Variants in TNIK observed in about 807,000 individuals in gnomAD.
TNIK encodes TRAF2 and NCK interacting kinase.
A neutral mutation model predicts 191.3 loss-of-function variants in TNIK; 49 were observed. The ratio of observed to expected loss-of-function variants is 0.26; its 90% CI spans 0.20 to 0.32. The LOEUF is 0.32. TNIK is among the 10% of genes least tolerant of loss of function. TNIK has a pLI of 1.00. For synonymous variants in TNIK, 594 were observed against 600.9 expected, an observed-to-expected ratio of 0.99 and a Z score of 0.17; for missense variants, 1,155 against 1,702.3, an observed-to-expected ratio of 0.68 and a Z score of 5.66.
At chr3:171,411,066 C>CTT (rs56324481) in intron 1 of TNIK, among the ~76,000 whole-genome samples, 3 of 141,828 alleles carry the variant, frequency 2.1e-5, no homozygotes, top group African/African-American at 5.2e-5. Flanking sequence ...CATCAATAAT[C>CTT]TTTTTTTTTT....
At chr3:171,209,993 G>T (rs1036176838) in intron 4 of TNIK, among the ~76,000 whole-genome samples, 1 of 152,164 alleles carries the variant, frequency 6.6e-6, no homozygotes, top group Non-Finnish European at 1.5e-5. Context: ...ACACAGCTCA[G>T]CACAGTATTT....
intron 2 of TNIK, among the ~76,000 whole-genome samples, chr3:171,350,272 G>A (rs1712924242): frequency 6.6e-6 from 1 of 152,050 alleles, no homozygotes; most frequent in South Asian, 2.1e-4. Context: ...ACAGTTCCTG[G>A]AACAAAGCTG....
At chr3:171,143,533 GAC>G (rs1342956072) in intron 12 of TNIK, among the ~76,000 whole-genome samples, 2 of 152,196 alleles carry the variant, frequency 1.3e-5, no homozygotes, top group Non-Finnish European at 2.9e-5. Context: ...TGAGGGAAAA[GAC>G]AACACAGTAT....
chr3:171,244,926 G>GA (rs534569616), intron 2 of TNIK, among the ~76,000 whole-genome samples: 62 of 151,986 alleles, frequency 4.1e-4, no homozygotes, highest in African/African-American at 1.4e-3. Flanking sequence ...ACAAGATTAT[G>GA]AAAAAGGAGC....
chr3:171,201,073 G>C (rs1739341828), intron 4 of TNIK, among the ~76,000 whole-genome samples: 1 of 152,244 alleles, frequency 6.6e-6, no homozygotes, highest in South Asian at 2.1e-4. Context: ...AAGTGAGAAG[G>C]GTTTGCACCA....
chr3:171,292,748 C>CCTGGGCAA (rs1751819194), intron 2 of TNIK, among the ~76,000 whole-genome samples: 2 of 133,894 alleles, frequency 1.5e-5, no homozygotes, highest in African/African-American at 5.8e-5. Context: ...TGCACTCCAG[C>CCTGGGCAA]CTGGGCAACA....
chr3:171,252,939 C>A (rs1332331552), intron 2 of TNIK, among the ~76,000 whole-genome samples: 1 of 151,906 alleles, frequency 6.6e-6, no homozygotes, highest in African/African-American at 2.4e-5. Context: ...TTTTAGAATG[C>A]ATAGTTTTTT....
At chr3:171,299,704 A>G (rs892489632) in intron 2 of TNIK, among the ~76,000 whole-genome samples, 2 of 152,202 alleles carry the variant, frequency 1.3e-5, no homozygotes, top group Non-Finnish European at 2.9e-5. Flanking sequence ...AGCTTCCTCC[A>G]TATTTTAATA....
chr3:171,265,303 T>C (rs1881962), intron 2 of TNIK, among the ~76,000 whole-genome samples: 20,602 of 152,172 alleles, frequency 0.14, 1,802 homozygotes, highest in Non-Finnish European at 0.18. Flanking sequence ...TCTAGAGGAA[T>C]TGTGACTTAG....
chr3:171,111,078 GA>G (rs1039647268), intron 18 of TNIK, among the ~76,000 whole-genome samples: 2 of 152,040 alleles, frequency 1.3e-5, no homozygotes, highest in African/African-American at 4.8e-5. Flanking sequence ...TAGCCAATAG[GA>G]ATATGAAAAA....
chr3:171,119,107 C>A (rs1727243343), intron 18 of TNIK, among the ~76,000 whole-genome samples: 1 of 152,134 alleles, frequency 6.6e-6, no homozygotes, highest in Non-Finnish European at 1.5e-5. Context: ...AAGAAAAAAA[C>A]AACCCCATCA....
At chr3:171,154,635 C>T (rs1732931661) in intron 12 of TNIK, among the ~76,000 whole-genome samples, 1 of 152,192 alleles carries the variant, frequency 6.6e-6, no homozygotes, top group Non-Finnish European at 1.5e-5. Context: ...TCCCATTATT[C>T]TTGGATCCTA....
At chr3:171,161,187 C>A in intron 11 of TNIK, 83 bp downstream of exon 11, 2 of 1,440,204 alleles carry the variant, frequency 1.4e-6, no homozygotes, top group Non-Finnish European at 1.9e-6. Context: ...TAAAAACGAA[C>A]CTATAAATCA....
At chr3:171,304,395 C>G (rs1216892582) in intron 2 of TNIK, among the ~76,000 whole-genome samples, 1 of 152,124 alleles carries the variant, frequency 6.6e-6, no homozygotes, top group East Asian at 1.9e-4. Context: ...AATAGGAACA[C>G]TTTTACACTG....
In TNIK at chr3:171,126,108, G is replaced by C; in HGVS notation, c.1817C>G (p.Thr606Ser). 6.4e-7 allele frequency: 1 copy of C among 1,571,828 alleles called. No individual in the cohort carries two copies. The highest frequency in any genetic ancestry group is 8.6e-7 in the Non-Finnish European group (1 of 1,160,826). Residue 606 changes from threonine (T) to serine (S), a missense_variant, in exon 17 of 33, where the codon ACC (threonine) becomes AGC (serine). Physicochemically the swap from Thr to Ser is moderately conservative, Grantham distance 58. Transcript: ENST00000436636. ...CTGCTCGTGCACTGACTGGGAGGCG[G>C]TCAAGGCAGGTCCCTGGGATTTTAC... Reference protein sequence around the residue: ...VAVKSQGPALTASQSVHEQPT... With the variant: ...VAVKSQGPALSASQSVHEQPT...
rs76367995 is a variant in TNIK at position 171,317,673 on chromosome 3, C to T, written c.123+51947G>A. Among the ~76,000 whole-genome samples, 175 of 152,236 alleles carry T rather than the reference C, an allele frequency of 1.1e-3. 4 individuals carry two copies. The East Asian group carries it at 0.027, about 23-fold the overall frequency. ...GGAAAGAAAGCTCTTTTCACCCTTA[C>T]GAACCCTATAAGTTAGGCCCCAGAC... On this transcript the variant is annotated intron_variant, in intron 2 of 32. Transcript: ENST00000436636.
intron 2 of TNIK, among the ~76,000 whole-genome samples, chr3:171,266,573 T>G (rs1748429566): frequency 6.6e-6 from 1 of 152,220 alleles, no homozygotes; most frequent in Admixed American, 6.5e-5. Flanking sequence ...GACCTCATTA[T>G]GTCACTCTGC....
chr3:171,422,436 T>A (rs543043502), intron 1 of TNIK, among the ~76,000 whole-genome samples: 2 of 152,258 alleles, frequency 1.3e-5, no homozygotes, highest in South Asian at 4.1e-4. Flanking sequence ...ACTGTAAACA[T>A]AAAGACAATA....
chr3:171,393,370 C>A (rs1719818822), intron 1 of TNIK, among the ~76,000 whole-genome samples: 1 of 152,192 alleles, frequency 6.6e-6, no homozygotes, highest in Non-Finnish European at 1.5e-5. Context: ...TCAGGAAATA[C>A]CCAGCTGCTG....
Sources: gnomAD v4.1 joint callset for allele counts (sites outside exome capture counted in the v4.1 genomes callset) on GRCh38, gnomAD v4.1.1 for gene constraint, MANE v1.5 for transcripts, NCBI Gene and HGNC (gene_info 2026-07-23, HGNC 2026-07-21) for gene names.